The following APP variants were observed in gnomAD, a reference collection of about 807,000 sequenced individuals.
APP encodes amyloid beta precursor protein, also known as amyloid-beta precursor protein.
APP carries 31 observed loss-of-function variants against 101.4 expected under a neutral mutation model. That is an observed-to-expected ratio of 0.31 (90% confidence interval 0.23 to 0.41). The LOEUF (loss-of-function observed/expected upper bound fraction) is 0.41, where lower values mean the gene tolerates loss of function less well. Among genes scored for constraint, APP ranks in the 10% least tolerant of loss-of-function variants. The pLI, the probability that APP is intolerant of heterozygous loss-of-function variation, is 1.00. For missense variants in APP, 839 were observed against 1,003.7 expected (o/e 0.84, Z 2.22); for synonymous variants, 366 against 364.4 (o/e 1.00, Z -0.05).
At chr21:25,971,036 C>A (rs958655441) in intron 11 of APP, among the ~76,000 whole-genome samples, 1 of 151,950 alleles carries the variant, frequency 6.6e-6, no homozygotes, top group African/African-American at 2.4e-5. Context: ...ACAATATATT[C>A]ATATACAAAC....
At chr21:26,039,361 G>A (rs537941924) in intron 5 of APP, among the ~76,000 whole-genome samples, 1 of 152,296 alleles carries the variant, frequency 6.6e-6, no homozygotes, top group Non-Finnish European at 1.5e-5. Context: ...AATCTTGGAA[G>A]ACCAAATTCG....
intron 6 of APP, among the ~76,000 whole-genome samples, chr21:26,011,515 C>T (rs566148289): frequency 2.6e-5 from 4 of 152,168 alleles, no homozygotes; most frequent in South Asian, 2.1e-4. Flanking sequence ...CTGCTGGCAT[C>T]GAGTAGAGGC....
rs115707310 is a variant in APP at position 26,168,089 on chromosome 21, A to G, written c.57+2475T>C. On this transcript the variant is annotated intron_variant, in intron 1 of 17. Coordinates refer to ENST00000346798, the MANE Select transcript of APP (RefSeq NM_000484.4). ...GGGAAATAAAACTTAAGAGGAAGCT[A>G]GATTTAAAAATAAATAAATAAATAA... is the stretch of plus-strand genomic sequence containing the variant. Among the ~76,000 whole-genome samples, 1,247 of 152,354 alleles carry G rather than the reference A, an allele frequency of 8.2e-3. 18 individuals are homozygous for G. The highest frequency in any genetic ancestry group is 0.028 in the African/African-American group (1,165 of 41,568).
chr21:26,119,098 T>C (rs540197076), intron 1 of APP, among the ~76,000 whole-genome samples: 2 of 152,288 alleles, frequency 1.3e-5, no homozygotes, highest in South Asian at 2.1e-4. Context: ...TCTATTTAGA[T>C]AATCAGAAGG....
chr21:26,134,563 C>A (rs532470227), intron 1 of APP, among the ~76,000 whole-genome samples: 1 of 152,330 alleles, frequency 6.6e-6, no homozygotes, highest in South Asian at 2.1e-4. Flanking sequence ...GATTCCATGC[C>A]CTTTCCTGAC....
intron 5 of APP, among the ~76,000 whole-genome samples, chr21:26,037,222 GT>G (rs758948619): frequency 2.6e-5 from 4 of 152,162 alleles, no homozygotes; most frequent in Admixed American, 1.3e-4. Context: ...GGAAGGGTAG[GT>G]AGAAACTGAG....
rs149619689 is a variant in APP, at chr21:26,125,422, T to C, written c.58-13276A>G. Among the ~76,000 whole-genome samples, 87 of 152,366 alleles carry C rather than the reference T, an allele frequency of 5.7e-4. No homozygotes were observed. The East Asian group carries it at 0.013, about 23-fold the overall frequency. On this transcript the variant is annotated intron_variant, in intron 1 of 17. Coordinates refer to ENST00000346798, the MANE Select transcript of APP (RefSeq NM_000484.4). ...TGTTCTTTATTTTTCCTTCTGATTT[T>C]AAAAGAAATTAAACATTTTTGAGGG...
intron 11 of APP, among the ~76,000 whole-genome samples, chr21:25,970,318 G>A (rs2041981764): frequency 6.6e-6 from 1 of 152,064 alleles, no homozygotes; most frequent in Non-Finnish European, 1.5e-5. Flanking sequence ...GAGTTTAAAT[G>A]TACATTTGTT....
At chr21:26,021,763 G>C in intron 6 of APP, 77 bp downstream of exon 6, 1 of 1,572,642 alleles carries the variant, frequency 6.4e-7, no homozygotes. Context: ...AGTGGTGCTA[G>C]GGTGGATATT....
At chr21:25,997,521 A>C in intron 7 of APP, 105 bp from the exon 8 acceptor site, 7 of 991,720 alleles carry the variant, frequency 7.1e-6, no homozygotes, top group Non-Finnish European at 9.6e-6. Context: ...AACAAACAAA[A>C]TCACTCACTT....
chr21:26,140,433 A>C (rs1361097225), intron 1 of APP: 4 of 1,246,854 alleles, frequency 3.2e-6, no homozygotes, highest in Non-Finnish European at 4.3e-6. Flanking sequence ...CTAAGCTAAC[A>C]ATGGACAACC....
At chr21:25,919,694 A>G (rs2039532140) in intron 13 of APP, among the ~76,000 whole-genome samples, 1 of 70,110 alleles carries the variant, frequency 1.4e-5, no homozygotes, top group African/African-American at 7.2e-5. Flanking sequence ...ATAAAAAGAA[A>G]TGAGCAAAGC....
chr21:25,971,414 T>A (rs1332406523), intron 11 of APP, among the ~76,000 whole-genome samples: 6 of 152,186 alleles, frequency 3.9e-5, no homozygotes, highest in African/African-American at 1.4e-4. Flanking sequence ...GGGAAACAAA[T>A]GAGGACTTAC....
intron 1 of APP, among the ~76,000 whole-genome samples, chr21:26,137,054 C>A (rs1300904184): frequency 7.4e-6 from 1 of 134,866 alleles, no homozygotes; most frequent in Non-Finnish European, 1.6e-5. Flanking sequence ...CCCGCCTCCA[C>A]CTCCGCCTCC....
intron 2 of APP, among the ~76,000 whole-genome samples, chr21:26,097,149 C>T (rs567134960): frequency 6.6e-6 from 1 of 152,334 alleles, no homozygotes; most frequent in South Asian, 2.1e-4. Context: ...CTAATTCCCA[C>T]CACATGATGC....
At chr21:26,146,090 G>A (rs575552049) in intron 1 of APP, among the ~76,000 whole-genome samples, 2 of 152,292 alleles carry the variant, frequency 1.3e-5, no homozygotes, top group Admixed American at 6.5e-5. Context: ...TGCATGCAGC[G>A]GCTCATGCCT....
chr21:26,105,988 G>A (rs1482801765), intron 2 of APP, among the ~76,000 whole-genome samples: 1 of 152,206 alleles, frequency 6.6e-6, no homozygotes, highest in African/African-American at 2.4e-5. Flanking sequence ...GGCTAGTCCT[G>A]ATACTGAGTC....
intron 16 of APP, among the ~76,000 whole-genome samples, chr21:25,897,167 C>G (rs1265012590): frequency 6.6e-6 from 1 of 151,776 alleles, no homozygotes; most frequent in Non-Finnish European, 1.5e-5. Context: ...CGCTCTGTCG[C>G]CTAGGCACGA....
At chr21:26,082,120 G>A (rs528112290) in intron 3 of APP, among the ~76,000 whole-genome samples, 6 of 152,136 alleles carry the variant, frequency 3.9e-5, no homozygotes, top group East Asian at 3.9e-4. Flanking sequence ...TCAGGAGGCC[G>A]AGGCAGGAGA....
Sources: gnomAD v4.1 joint callset for allele counts (sites outside exome capture counted in the v4.1 genomes callset) on GRCh38, gnomAD v4.1.1 for gene constraint, MANE v1.5 for transcripts, NCBI Gene and HGNC (gene_info 2026-07-23, HGNC 2026-07-21) for gene names.